IL1RAPL2: variants seen among roughly 807,000 people sequenced by gnomAD.
The protein encoded by IL1RAPL2 is X-linked interleukin-1 receptor accessory protein-like 2.
Under a neutral mutation model 44.1 loss-of-function variants are expected in IL1RAPL2, and 3 were observed. That is an observed-to-expected ratio of 0.07 (90% CI 0.03 to 0.18). The LOEUF (loss-of-function observed/expected upper bound fraction) is 0.18, where lower values mean the gene tolerates loss of function less well. IL1RAPL2 is among the 10% of genes least tolerant of loss of function. The probability of loss-of-function intolerance (pLI) is 1.00; values close to 1 mark genes in which losing one functional copy is unlikely to be tolerated. For synonymous variants in IL1RAPL2, 181 were observed against 178.8 expected, an observed-to-expected ratio of 1.01 and a Z score of -0.10; for missense variants, 391 against 496.4, an observed-to-expected ratio of 0.79 and a Z score of 2.02.
intron 6 of IL1RAPL2, among the ~76,000 whole-genome samples, chrX:105,539,065 C>T (rs940416347): frequency 3.6e-5 from 4 of 110,953 alleles, no homozygotes; most frequent in African/African-American, 1.3e-4. Flanking sequence ...AAAAATATTC[C>T]ATGCTCATGG....
At chrX:105,512,470 G>C (rs1044479564) in intron 6 of IL1RAPL2, among the ~76,000 whole-genome samples, 9 of 111,454 alleles carry the variant, frequency 8.1e-5, no homozygotes, top group Non-Finnish European at 1.7e-4. Flanking sequence ...CATATTTCTT[G>C]AACTAAAAAT....
At chrX:105,148,460 GTATGTTT>G (rs1369132711) in intron 2 of IL1RAPL2, among the ~76,000 whole-genome samples, 1 of 111,713 alleles carries the variant, frequency 9.0e-6, no homozygotes, top group Non-Finnish European at 1.9e-5. Context: ...CATGAAACCT[GTATGTTT>G]TAAAAAAATT....
chrX:105,235,467 C>A (rs1371993004), intron 4 of IL1RAPL2, among the ~76,000 whole-genome samples: 2 of 111,000 alleles, frequency 1.8e-5, no homozygotes, highest in Non-Finnish European at 3.8e-5. Context: ...TCTGACAGAC[C>A]CTCAGTTCCT....
At chrX:105,141,708 G>A (rs1206786583) in intron 2 of IL1RAPL2, among the ~76,000 whole-genome samples, 1 of 111,650 alleles carries the variant, frequency 9.0e-6, no homozygotes, top group Non-Finnish European at 1.9e-5. Context: ...ACAACCAATA[G>A]TTATTTTCAA....
At chrX:105,432,146 T>TC (rs1205231752) in intron 5 of IL1RAPL2, among the ~76,000 whole-genome samples, 14 of 96,112 alleles carry the variant, frequency 1.5e-4, no homozygotes, top group African/African-American at 5.0e-4. Flanking sequence ...TTTTTTTTTT[T>TC]TTTTTTCACT....
intron 1 of IL1RAPL2, among the ~76,000 whole-genome samples, chrX:104,650,696 C>T (rs1220792601): frequency 1.8e-5 from 2 of 111,891 alleles, no homozygotes; most frequent in East Asian, 5.6e-4. Flanking sequence ...ATAGGTTGCT[C>T]TTCATTGTCC....
At position 104,650,207 on chromosome X, in the gene IL1RAPL2, G is replaced by A. The variant is rs1930126771; in HGVS notation, c.-19-8688G>A. On this transcript the variant is annotated intron_variant, in intron 1 of 10. Transcript: ENST00000372582. Reference sequence around the variant, plus strand: ...GCATATTTATAGCCATGGCAGGGGGGAAGACTCTTTTTAGGAAAAAAAGTA... The same window carrying A: ...GCATATTTATAGCCATGGCAGGGGGAAAGACTCTTTTTAGGAAAAAAAGTA... Among the ~76,000 whole-genome samples the A allele has an allele frequency of 2.7e-5, 3 of 111,302 alleles. No individual in the cohort carries two copies. The Admixed American group carries it at 2.9e-4, about 11-fold the overall frequency.
chrX:105,521,872 T>A (rs987122640), intron 6 of IL1RAPL2, among the ~76,000 whole-genome samples: 17 of 112,500 alleles, frequency 1.5e-4, no homozygotes. Context: ...ACCCTGTCTG[T>A]ATAACTACTA....
At chrX:105,756,129 C>T (rs2038636758) in intron 10 of IL1RAPL2, among the ~76,000 whole-genome samples, 1 of 111,550 alleles carries the variant, frequency 9.0e-6, no homozygotes, top group Admixed American at 9.5e-5. Context: ...TACTAATATC[C>T]TTGAGAGGGG....
At chrX:105,075,408 G>T (rs969432437) in intron 2 of IL1RAPL2, among the ~76,000 whole-genome samples, 5 of 111,296 alleles carry the variant, frequency 4.5e-5, no homozygotes, top group African/African-American at 1.6e-4. Context: ...GATCATGGTG[G>T]ATAAGCTTTT....
chrX:105,469,422 A>G (rs1297516642), intron 5 of IL1RAPL2, among the ~76,000 whole-genome samples: 1 of 110,962 alleles, frequency 9.0e-6, no homozygotes, highest in Non-Finnish European at 1.9e-5. Context: ...GACCAGAAAT[A>G]GGACCAAGAG....
chrX:104,713,817 A>T (rs755978943), intron 2 of IL1RAPL2, among the ~76,000 whole-genome samples: 1 of 110,659 alleles, frequency 9.0e-6, no homozygotes, highest in East Asian at 2.9e-4. Context: ...TTTCAGCCTC[A>T]TCTCTGAAAT....
At chrX:104,867,485 T>A (rs12558635) in intron 2 of IL1RAPL2, among the ~76,000 whole-genome samples, 2 of 111,640 alleles carry the variant, frequency 1.8e-5, no homozygotes, top group Admixed American at 9.5e-5. Context: ...TAAACCATGC[T>A]TATTGAGCCA....
chrX:105,036,914 T>C (rs903372281), intron 2 of IL1RAPL2, among the ~76,000 whole-genome samples: 11 of 75 alleles, frequency 0.15, no homozygotes, highest in Admixed American at 0.5. Flanking sequence ...AGAATTACTA[T>C]ATATTTATCT....
chrX:105,447,100 TATATATAAAAATATATATAAATATAA>T (rs2035963050), intron 5 of IL1RAPL2, among the ~76,000 whole-genome samples: 18 of 58,203 alleles, frequency 3.1e-4, no homozygotes, highest in African/African-American at 1.8e-3. Context: ...TATATATATA[TATATATAAAAATATATATAAATATAA>T]ATATATATAT....
Position 105,136,978 on chromosome X carries a change from A to G in IL1RAPL2, c.83-58497A>G, listed in dbSNP as rs183910011. ...ATATGGATAAAGTCATTTCCCTATC[A>G]GAAGCCACCCCATGCCCTGCCAAGT... On this transcript the variant is annotated intron_variant, in intron 2 of 10. Coordinates refer to ENST00000372582, the MANE Select transcript of IL1RAPL2 (RefSeq NM_017416.2). 1.5e-4 allele frequency among the ~76,000 whole-genome samples: 17 copies of G among 112,342 alleles called. No homozygotes were observed. In the East Asian group the frequency reaches 4.2e-3, roughly 28 times the overall value.
At chrX:105,295,613 A>G (rs771294552) in intron 5 of IL1RAPL2, among the ~76,000 whole-genome samples, 41 of 112,111 alleles carry the variant, frequency 3.7e-4, no homozygotes, top group African/African-American at 1.2e-3. Context: ...AGAAAATTGA[A>G]TAGAGTAGAA....
At chrX:105,695,869 T>C (rs1034873254) in intron 6 of IL1RAPL2, among the ~76,000 whole-genome samples, 3 of 112,268 alleles carry the variant, frequency 2.7e-5, no homozygotes, top group Non-Finnish European at 3.8e-5. Flanking sequence ...CTTTTCTGCC[T>C]AACTCAAATG....
At chrX:105,367,739 T>A (rs1273374917) in intron 5 of IL1RAPL2, among the ~76,000 whole-genome samples, 1 of 111,795 alleles carries the variant, frequency 8.9e-6, no homozygotes, top group Non-Finnish European at 1.9e-5. Flanking sequence ...AATAGTTTTA[T>A]CTTTTAACTT....
Sources: allele counts gnomAD v4.1 joint callset (sites outside exome capture counted in the v4.1 genomes callset), GRCh38; gene constraint gnomAD v4.1.1; transcripts MANE v1.5; gene names NCBI Gene and HGNC (gene_info 2026-07-23, HGNC 2026-07-21).